The following FRMD5 variants were observed in gnomAD, a reference collection of about 807,000 sequenced individuals.
FRMD5 encodes the protein FERM domain containing 5.
FRMD5 carries 20 observed loss-of-function variants against 69.0 expected under a neutral mutation model. The ratio of observed to expected loss-of-function variants is 0.29; its 90% CI spans 0.20 to 0.42. FRMD5 has a LOEUF of 0.42. Among genes scored for constraint, FRMD5 ranks in the 10% least tolerant of loss-of-function variants. The pLI is 1.00. For missense variants in FRMD5, 595 were observed against 708.6 expected (o/e 0.84, Z 1.82); for synonymous variants, 271 against 260.1 (o/e 1.04, Z -0.40).
intron 5 of FRMD5, among the ~76,000 whole-genome samples, chr15:43,907,527 C>CT (rs758126629): frequency 0.19 from 26,504 of 138,740 alleles, 2,885 homozygotes; most frequent in Middle Eastern, 0.32. Context: ...CCAGGCCTAG[C>CT]TTTTTTTTTT....
intron 1 of FRMD5, among the ~76,000 whole-genome samples, chr15:44,098,147 A>G (rs2076582573): frequency 6.6e-6 from 1 of 151,850 alleles, no homozygotes. Flanking sequence ...CAACAACAAA[A>G]AACTAAATAA....
At chr15:44,079,635 G>A (rs1478960651) in intron 1 of FRMD5, among the ~76,000 whole-genome samples, 1 of 152,078 alleles carries the variant, frequency 6.6e-6, no homozygotes, top group African/African-American at 2.4e-5. Context: ...ACTGAAAGCA[G>A]GGACTTCAAT....
chr15:43,883,883 T>C (rs1200375195), intron 12 of FRMD5, 74 bp from the exon 13 acceptor site: 2 of 1,056,052 alleles, frequency 1.9e-6, no homozygotes, highest in Non-Finnish European at 3.0e-6. Context: ...AATTGAGTAC[T>C]GGCTACTAGA....
chr15:44,120,689 ATTTTTT>A (rs5812266), intron 1 of FRMD5, among the ~76,000 whole-genome samples: 1 of 148,452 alleles, frequency 6.7e-6, no homozygotes, highest in African/African-American at 2.5e-5. Context: ...CGCCCAGCTA[ATTTTTT>A]TTTTTTGTAT....
chr15:44,019,811 C>G (rs1487763642), intron 1 of FRMD5, among the ~76,000 whole-genome samples: 3 of 143,430 alleles, frequency 2.1e-5, no homozygotes, highest in Non-Finnish European at 4.6e-5. Context: ...AGAACAAGCA[C>G]TAAAATCCTT....
intron 13 of FRMD5, chr15:43,879,879 A>C: frequency 2.6e-6 from 1 of 380,084 alleles, no homozygotes; most frequent in Non-Finnish European, 4.7e-6. Context: ...CATCAGGCTG[A>C]ACTGCAGGGA....
chr15:43,885,460 G>A (rs980887724), intron 11 of FRMD5, among the ~76,000 whole-genome samples: 2 of 152,196 alleles, frequency 1.3e-5, no homozygotes, highest in African/African-American at 4.8e-5. Flanking sequence ...ATAGGCATGA[G>A]CCACTATGGC....
At chr15:44,167,281 T>C (rs2077725774) in intron 1 of FRMD5, among the ~76,000 whole-genome samples, 1 of 151,892 alleles carries the variant, frequency 6.6e-6, no homozygotes, top group South Asian at 2.1e-4. Context: ...AGTGAGAGGA[T>C]CATGTGAGCC....
intron 7 of FRMD5, among the ~76,000 whole-genome samples, chr15:43,901,628 GC>G (rs890639504): frequency 6.6e-6 from 1 of 152,182 alleles, no homozygotes; most frequent in Non-Finnish European, 1.5e-5. Context: ...GTGACTGGCT[GC>G]CCCCGCTCAT....
intron 1 of FRMD5, among the ~76,000 whole-genome samples, chr15:44,187,792 C>T (rs2078127304): frequency 6.6e-6 from 1 of 152,182 alleles, no homozygotes; most frequent in Non-Finnish European, 1.5e-5. Flanking sequence ...TAGACTCAAA[C>T]TCCTGGCCTC....
chr15:44,138,153 G>A (rs1316696162), intron 1 of FRMD5, among the ~76,000 whole-genome samples: 2 of 151,902 alleles, frequency 1.3e-5, no homozygotes, highest in Non-Finnish European at 2.9e-5. Context: ...CCAAATACAT[G>A]AAAAAAATTA....
chr15:43,925,459 T>C (rs2089567953), intron 1 of FRMD5, among the ~76,000 whole-genome samples: 1 of 152,258 alleles, frequency 6.6e-6, no homozygotes, highest in South Asian at 2.1e-4. Context: ...TATATAGATA[T>C]GCCTCACAGT....
chr15:44,122,376 A>T (rs2076965133), intron 1 of FRMD5, among the ~76,000 whole-genome samples: 1 of 152,022 alleles, frequency 6.6e-6, no homozygotes, highest in Admixed American at 6.6e-5. Context: ...CAGCCTGGGC[A>T]ACGTGGCAAA....
chr15:44,048,428 G>T (rs779688390), intron 1 of FRMD5, among the ~76,000 whole-genome samples: 2 of 151,994 alleles, frequency 1.3e-5, no homozygotes, highest in Admixed American at 6.6e-5. Flanking sequence ...TTATTGAGTT[G>T]TAAGAGTTCT....
chr15:43,881,437 T>C (rs1171018790), intron 13 of FRMD5, among the ~76,000 whole-genome samples: 1 of 152,182 alleles, frequency 6.6e-6, no homozygotes, highest in East Asian at 1.9e-4. Flanking sequence ...CTCATGATGG[T>C]CATATATCCA....
At chr15:44,143,099 A>T (rs530768820) in intron 1 of FRMD5, among the ~76,000 whole-genome samples, 1 of 152,300 alleles carries the variant, frequency 6.6e-6, no homozygotes, top group Admixed American at 6.5e-5. Context: ...CTCAAAAAAA[A>T]AAAGAAAAAA....
At chr15:43,877,468 C>T (rs1567203757) in intron 13 of FRMD5, among the ~76,000 whole-genome samples, 1 of 152,222 alleles carries the variant, frequency 6.6e-6, no homozygotes, top group East Asian at 1.9e-4. Flanking sequence ...ACCCAGGCAG[C>T]CTGCCTGACC....
At chr15:43,929,797 T>C (rs560221201) in intron 1 of FRMD5, among the ~76,000 whole-genome samples, 12 of 152,172 alleles carry the variant, frequency 7.9e-5, no homozygotes, top group Admixed American at 3.3e-4. Context: ...AGCTTAACTA[T>C]ATATATTTAA....
intron 12 of FRMD5, among the ~76,000 whole-genome samples, chr15:43,884,052 G>C (rs1304831588): frequency 6.6e-6 from 1 of 152,082 alleles, no homozygotes; most frequent in Non-Finnish European, 1.5e-5. Flanking sequence ...TAGTGTGGCA[G>C]CAGTGCCACT....
Sources: allele counts gnomAD v4.1 joint callset (sites outside exome capture counted in the v4.1 genomes callset), GRCh38; gene constraint gnomAD v4.1.1; transcripts MANE v1.5; gene names NCBI Gene and HGNC (gene_info 2026-07-23, HGNC 2026-07-21).